OSBPL6: variants seen among roughly 807,000 people sequenced by gnomAD.
OSBPL6 encodes the protein oxysterol binding protein like 6.
Under a neutral mutation model 125.8 loss-of-function variants are expected in OSBPL6, and 49 were observed. That is an observed-to-expected ratio of 0.39 (90% CI 0.31 to 0.49). The LOEUF (loss-of-function observed/expected upper bound fraction) is 0.49, where lower values mean the gene tolerates loss of function less well. OSBPL6 is among the 20% of genes least tolerant of loss of function. The pLI is 0.88. For missense variants in OSBPL6, 986 were observed against 1,135.4 expected, an observed-to-expected ratio of 0.87 and a Z score of 1.89; for synonymous variants, 394 against 391.8, an observed-to-expected ratio of 1.01 and a Z score of -0.07.
intron 1 of OSBPL6, among the ~76,000 whole-genome samples, chr2:178,215,205 A>T (rs1021712572): frequency 2.0e-5 from 3 of 152,178 alleles, no homozygotes; most frequent in African/African-American, 7.2e-5. Context: ...GTTATGAGCT[A>T]TGGAAGTAAT....
In OSBPL6 at chr2:178,401,798, C is replaced by T. The variant is rs942795606; in HGVS notation, c.*6239C>T. ...TGTGGACCGAGAATCCTCATTGTAA[C>T]AAGCACCCTCTGCCCCCGGGACATT... On this transcript the variant is annotated 3_prime_UTR_variant, in exon 25 of 25. Coordinates refer to ENST00000190611, the MANE Select transcript of OSBPL6 (RefSeq NM_032523.4). The T allele has an allele frequency of 2.0e-5, 3 of 152,216 alleles. No individual in the cohort carries two copies. Among genetic ancestry groups the T allele is most frequent in the African/African-American group, 4.8e-5 (2 of 41,434 alleles). The allele number at this position is 152,216 out of a possible 1,614,324, so 9.4% of individuals were successfully genotyped here.
At chr2:178,319,665 A>G (rs999209477) in intron 3 of OSBPL6, among the ~76,000 whole-genome samples, 2 of 152,218 alleles carry the variant, frequency 1.3e-5, no homozygotes, top group Non-Finnish European at 2.9e-5. Context: ...ATAGGAATGT[A>G]AAAACCAGTA....
chr2:178,217,403 G>A (rs1383316786), intron 1 of OSBPL6, among the ~76,000 whole-genome samples: 4 of 152,190 alleles, frequency 2.6e-5, no homozygotes, highest in Non-Finnish European at 4.4e-5. Context: ...AAGTCAGTGG[G>A]ATGGTGAAGT....
chr2:178,374,054 C>T, intron 15 of OSBPL6, 27 bp downstream of exon 15: 2 of 1,607,104 alleles, frequency 1.2e-6, no homozygotes, highest in Non-Finnish European at 1.7e-6. Context: ...GACTTGTTGG[C>T]CTCAACATCT....
At chr2:178,317,184 T>C (rs1325510125) in intron 3 of OSBPL6, among the ~76,000 whole-genome samples, 1 of 151,680 alleles carries the variant, frequency 6.6e-6, no homozygotes, top group African/African-American at 2.4e-5. Context: ...ATGATAAAAT[T>C]GTCAGCAAAT....
chr2:178,233,974 T>C (rs543678176), intron 1 of OSBPL6, among the ~76,000 whole-genome samples: 2 of 152,198 alleles, frequency 1.3e-5, no homozygotes, highest in East Asian at 3.8e-4. Context: ...AGTTCTCTAG[T>C]GGCAGTTTTT....
At chr2:178,244,509 A>G (rs2091419798) in intron 1 of OSBPL6, among the ~76,000 whole-genome samples, 1 of 152,232 alleles carries the variant, frequency 6.6e-6, no homozygotes, top group African/African-American at 2.4e-5. Context: ...GATTCAGTAT[A>G]TATTTGCATG....
At chr2:178,206,002 A>G (rs1452867664) in intron 1 of OSBPL6, among the ~76,000 whole-genome samples, 2 of 152,232 alleles carry the variant, frequency 1.3e-5, no homozygotes, top group South Asian at 2.1e-4. Flanking sequence ...TCACAGTTGA[A>G]TTAGTAAGTA....
Position 178,309,363 on chromosome 2 carries a change from A to G in OSBPL6, c.102+3077A>G, listed in dbSNP as rs145549154. On this transcript the variant is annotated intron_variant, in intron 3 of 24. Transcript: ENST00000190611. ...AGCCTTGAACCTCAAATGTTTTAAT[A>G]TATCCTGGAGGATATATTTTAAAGA... is the stretch of plus-strand genomic sequence containing the variant. Among the ~76,000 whole-genome samples, 8 of 152,314 alleles carry G rather than the reference A, an allele frequency of 5.3e-5. No individual in the cohort carries two copies. The East Asian group carries it at 1.5e-3, about 29-fold the overall frequency.
At chr2:178,275,574 T>C (rs2092453126) in intron 1 of OSBPL6, among the ~76,000 whole-genome samples, 1 of 152,072 alleles carries the variant, frequency 6.6e-6, no homozygotes, top group Admixed American at 6.5e-5. Context: ...CAGGTGCCCT[T>C]GATATATTGC....
chr2:178,334,547 T>C (rs1689509536), intron 8 of OSBPL6, among the ~76,000 whole-genome samples: 1 of 152,162 alleles, frequency 6.6e-6, no homozygotes, highest in Admixed American at 6.6e-5. Context: ...TGAGACAAAG[T>C]CTCACTCTGT....
intron 1 of OSBPL6, among the ~76,000 whole-genome samples, chr2:178,260,432 CTCTG>C (rs1036942052): frequency 1.5e-4 from 23 of 152,132 alleles, no homozygotes; most frequent in Admixed American, 3.9e-4. Context: ...TGTCTGTCTT[CTCTG>C]TCTGTCTTTC....
intron 20 of OSBPL6, 73 bp from the exon 21 acceptor site, chr2:178,388,936 T>C (rs946631360): frequency 1.3e-5 from 20 of 1,488,466 alleles, no homozygotes; most frequent in Admixed American, 1.9e-5. Context: ...CCAAAGAATA[T>C]TCTCATTAGC....
intron 1 of OSBPL6, among the ~76,000 whole-genome samples, chr2:178,198,580 A>G (rs143317930): frequency 0.012 from 1,786 of 151,678 alleles, 33 homozygotes; most frequent in African/African-American, 0.041. Flanking sequence ...AGATTGCACC[A>G]CTGCACTACA....
At chr2:178,232,612 C>T (rs2090881689) in intron 1 of OSBPL6, among the ~76,000 whole-genome samples, 2 of 152,104 alleles carry the variant, frequency 1.3e-5, no homozygotes, top group African/African-American at 4.8e-5. Context: ...TATTATTATT[C>T]CTTTATAGAG....
chr2:178,280,530 C>T (rs1318732374), intron 1 of OSBPL6, among the ~76,000 whole-genome samples: 1 of 152,140 alleles, frequency 6.6e-6, no homozygotes, highest in African/African-American at 2.4e-5. Context: ...ACAGAATATT[C>T]GCATGAACAT....
chr2:178,305,846 CT>C (rs11476329), intron 2 of OSBPL6, among the ~76,000 whole-genome samples, 183 bp from the exon 3 acceptor site: 118,923 of 140,138 alleles, frequency 0.85, 50,725 homozygotes, highest in East Asian at 0.91. Context: ...GTTAACAGTC[CT>C]TTTTTTTTTT....
At chr2:178,346,083 A>G (rs201323145) in intron 11 of OSBPL6, among the ~76,000 whole-genome samples, 5,335 of 152,292 alleles carry the variant, frequency 0.035, 258 homozygotes, top group East Asian at 0.22. Context: ...CAGGATCTAT[A>G]GCTTTGTCTC....
chr2:178,261,380 G>A (rs566140459), intron 1 of OSBPL6, among the ~76,000 whole-genome samples: 9 of 136,588 alleles, frequency 6.6e-5, no homozygotes, highest in Non-Finnish European at 9.4e-5. Context: ...TACTCCTCAG[G>A]AACATTATAA....
Sources: allele counts gnomAD v4.1 joint callset (sites outside exome capture counted in the v4.1 genomes callset), GRCh38; gene constraint gnomAD v4.1.1; transcripts MANE v1.5; gene names NCBI Gene and HGNC (gene_info 2026-07-23, HGNC 2026-07-21).